The following FRAS1 variants were observed in gnomAD, a reference collection of about 807,000 sequenced individuals.
The protein encoded by FRAS1 is Fraser extracellular matrix complex subunit 1.
A neutral mutation model predicts 435.2 loss-of-function variants in FRAS1; 290 were observed. That is an observed-to-expected ratio of 0.67 (90% CI 0.61 to 0.73). The LOEUF (loss-of-function observed/expected upper bound fraction) is 0.73. Among genes scored for constraint, FRAS1 ranks in the 30% least tolerant of loss-of-function variants. The pLI, the probability that FRAS1 is intolerant of heterozygous loss-of-function variation, is 0.00. For synonymous variants in FRAS1, 1,800 were observed against 1,851.0 expected (o/e 0.97, Z 0.71); for missense variants, 4,860 against 5,001.5 (o/e 0.97, Z 0.85).
intron 72 of FRAS1, among the ~76,000 whole-genome samples, chr4:78,538,720 C>T (rs1397510295): frequency 1.3e-5 from 2 of 151,970 alleles, no homozygotes; most frequent in African/African-American, 4.8e-5. Flanking sequence ...TTTGGGAGGC[C>T]GAGGTGGGCG....
intron 18 of FRAS1, chr4:78,319,599 G>C: frequency 3.3e-6 from 1 of 305,898 alleles, no homozygotes; most frequent in Non-Finnish European, 6.6e-6. Flanking sequence ...TCATTAGTTT[G>C]TATTTTTCAT....
At chr4:78,370,056 T>C (rs997652583) in intron 23 of FRAS1, 72 bp downstream of exon 23, 19 of 1,465,538 alleles carry the variant, frequency 1.3e-5, no homozygotes, top group Non-Finnish European at 1.6e-5. Context: ...TGTCTAGTTT[T>C]CCATATTGGG....
intron 2 of FRAS1, among the ~76,000 whole-genome samples, chr4:78,174,420 G>A (rs1452121490): frequency 6.6e-6 from 1 of 152,168 alleles, no homozygotes; most frequent in Non-Finnish European, 1.5e-5. Context: ...ATAATGAGAT[G>A]TAACACTTCC....
At chr4:78,100,014 A>G (rs146818386) in intron 2 of FRAS1, among the ~76,000 whole-genome samples, 392 of 152,322 alleles carry the variant, frequency 2.6e-3, no homozygotes, top group African/African-American at 9.1e-3. Context: ...GTTTAGTGAC[A>G]TATTTAGAAG....
At chr4:78,090,873 C>A (rs1464455193) in intron 2 of FRAS1, among the ~76,000 whole-genome samples, 1 of 151,986 alleles carries the variant, frequency 6.6e-6, no homozygotes, top group Non-Finnish European at 1.5e-5. Context: ...GAGCATAATT[C>A]TAGAAATGGC....
At chr4:78,309,736 C>T (rs1327611846) in intron 15 of FRAS1, among the ~76,000 whole-genome samples, 1 of 152,064 alleles carries the variant, frequency 6.6e-6, no homozygotes, top group Non-Finnish European at 1.5e-5. Flanking sequence ...TTCTGTCAGC[C>T]TTTAGATGAG....
intron 44 of FRAS1, among the ~76,000 whole-genome samples, 158 bp downstream of exon 44, chr4:78,448,474 G>C (rs951409829): frequency 9.2e-5 from 14 of 152,112 alleles, no homozygotes; most frequent in Admixed American, 1.3e-4. Flanking sequence ...TATTGTTTTT[G>C]GGATACTAAG....
At position 78,481,809 on chromosome 4, in the gene FRAS1, G is replaced by A. The variant is rs376336770; in HGVS notation, c.8449G>A (p.Val2817Ile). The A allele has an allele frequency of 6.2e-7, 1 of 1,613,716 alleles. No individual in the cohort carries two copies. The highest frequency in any genetic ancestry group is 1.3e-5 in the African/African-American group (1 of 74,894). Residue 2817 changes from valine to isoleucine, a missense_variant, in exon 57 of 74, where the codon GTA becomes ATA. Physicochemically the swap from Val to Ile is conservative, Grantham distance 29. Coordinates refer to ENST00000512123, the MANE Select transcript of FRAS1 (RefSeq NM_025074.7). ...AFTVSEDAGT[V>I]KIPVIRHGTD... ...CTCTATGAATCTTAATTCAGGCACA[G>A]TAAAGATTCCAGTTATCCGCCATGG...
intron 2 of FRAS1, among the ~76,000 whole-genome samples, chr4:78,170,463 T>C (rs989883597): frequency 1.3e-5 from 2 of 152,156 alleles, no homozygotes; most frequent in African/African-American, 4.8e-5. Context: ...TAATTAGCTC[T>C]TGTAAAATGG....
chr4:78,444,908 A>G (rs1465461328), intron 41 of FRAS1, among the ~76,000 whole-genome samples: 1 of 152,196 alleles, frequency 6.6e-6, no homozygotes, highest in Non-Finnish European at 1.5e-5. Flanking sequence ...GTCCTGGAGC[A>G]TCACAATAGC....
chr4:78,316,097 A>G (rs1433339951), intron 16 of FRAS1, among the ~76,000 whole-genome samples: 2 of 152,258 alleles, frequency 1.3e-5, no homozygotes, highest in Non-Finnish European at 2.9e-5. Context: ...ATTGGCAACT[A>G]CAACACACCA....
intron 44 of FRAS1, among the ~76,000 whole-genome samples, chr4:78,448,937 TAG>T (rs1335382302): frequency 6.6e-6 from 1 of 152,210 alleles, no homozygotes; most frequent in Non-Finnish European, 1.5e-5. Flanking sequence ...TGCATCTTAC[TAG>T]AGTTCTGTTG....
At chr4:78,473,406 G>T in intron 52 of FRAS1, 32 bp from the exon 53 acceptor site, 1 of 1,594,850 alleles carries the variant, frequency 6.3e-7, no homozygotes, top group Non-Finnish European at 8.6e-7. Flanking sequence ...TACATCCCTG[G>T]GTTAATTCAC....
intron 29 of FRAS1, among the ~76,000 whole-genome samples, chr4:78,399,501 AT>A (rs1461823740): frequency 6.6e-6 from 1 of 152,198 alleles, no homozygotes; most frequent in African/African-American, 2.4e-5. Flanking sequence ...TCTGTGGAAA[AT>A]GTCAATTATG....
intron 59 of FRAS1, among the ~76,000 whole-genome samples, chr4:78,490,853 A>C (rs986818757): frequency 1.7e-5 from 2 of 117,608 alleles, no homozygotes; most frequent in African/African-American, 3.2e-5. Context: ...CAAAAAAATC[A>C]GTGAATCCAG....
At chr4:78,210,452 A>G (rs997892926) in intron 2 of FRAS1, among the ~76,000 whole-genome samples, 1 of 152,230 alleles carries the variant, frequency 6.6e-6, no homozygotes, top group East Asian at 1.9e-4. Context: ...AGCACCAAAT[A>G]CAGTGTCTGG....
At chr4:78,154,810 C>A (rs17420118) in intron 2 of FRAS1, among the ~76,000 whole-genome samples, 1 of 152,086 alleles carries the variant, frequency 6.6e-6, no homozygotes, top group African/African-American at 2.4e-5. Context: ...AGTTAGTATG[C>A]GCAGTTCCAT....
At chr4:78,373,999 C>A in intron 24 of FRAS1, 112 bp from the exon 25 acceptor site, 1 of 989,812 alleles carries the variant, frequency 1.0e-6, no homozygotes, top group Non-Finnish European at 1.4e-6. Flanking sequence ...TGGTCCTTTG[C>A]CCAGTACACT....
intron 70 of FRAS1, among the ~76,000 whole-genome samples, chr4:78,528,536 G>A (rs774544060): frequency 6.6e-6 from 1 of 151,972 alleles, no homozygotes; most frequent in Non-Finnish European, 1.5e-5. Flanking sequence ...TCTCTCTCTG[G>A]CTCATCGCAC....
Sources: gnomAD v4.1 joint callset for allele counts (sites outside exome capture counted in the v4.1 genomes callset) on GRCh38, gnomAD v4.1.1 for gene constraint, MANE v1.5 for transcripts, NCBI Gene and HGNC (gene_info 2026-07-23, HGNC 2026-07-21) for gene names.